SLC15A2: variants seen among roughly 807,000 people sequenced by gnomAD.
The protein encoded by SLC15A2 is kidney H(+)/peptide cotransporter.
In SLC15A2, 77 loss-of-function variants were observed where a neutral mutation model predicts 95.5. The ratio of observed to expected loss-of-function variants is 0.81; its 90% CI spans 0.67 to 0.97. The LOEUF (loss-of-function observed/expected upper bound fraction) is 0.97. Among genes scored for constraint, SLC15A2 ranks in the 50% least tolerant of loss-of-function variants. The pLI, the probability that SLC15A2 is intolerant of heterozygous loss-of-function variation, is 0.00. For synonymous variants in SLC15A2, 306 were observed against 306.9 expected, an observed-to-expected ratio of 1.00 and a Z score of 0.03; for missense variants, 893 against 874.4, an observed-to-expected ratio of 1.02 and a Z score of -0.27.
rs540111577 is a variant in SLC15A2, at chr3:121,929,059, G to T, written c.1419G>T (p.Leu473Phe). 149 of 1,614,066 alleles carry T rather than the reference G, an allele frequency of 9.2e-5. No individual in the cohort carries two copies. Among genetic ancestry groups the T allele is most frequent in the South Asian group, 4.9e-4 (45 of 91,072 alleles). Residue 473 changes from leucine to phenylalanine, a missense_variant, in exon 16 of 22, where the codon TTG becomes TTT. Physicochemically the swap from Leu to Phe is conservative, Grantham distance 22 (BLOSUM62 0). Transcript: ENST00000489711. ...DFHFHLKYHN[L>F]SLYTEHSVQE... ...ACTTCCACCTGAAATATCACAATTTGTCTCTCTACACTGAGCATTCTGTGC... is the reference window on the plus strand; with the variant it reads ...ACTTCCACCTGAAATATCACAATTTTTCTCTCTACACTGAGCATTCTGTGC...
chr3:121,935,692 T>G (rs1710329551), intron 19 of SLC15A2, among the ~76,000 whole-genome samples: 1 of 152,114 alleles, frequency 6.6e-6, no homozygotes, highest in Non-Finnish European at 1.5e-5. Context: ...TCTATCAATT[T>G]TGTTGATCCT....
chr3:121,932,144 T>C (rs1390797129), intron 19 of SLC15A2, among the ~76,000 whole-genome samples: 1 of 152,132 alleles, frequency 6.6e-6, no homozygotes, highest in Non-Finnish European at 1.5e-5. Flanking sequence ...CCTCAGATGA[T>C]CCACCAGCCT....
At position 121,922,745 on chromosome 3, in the gene SLC15A2, C is replaced by G. The variant is rs776334810; in HGVS notation, c.781-30C>G. 3.3e-6 allele frequency: 5 copies of G among 1,534,198 alleles called. No homozygotes were observed. In the Admixed American group the frequency reaches 8.9e-5, roughly 27 times the overall value. On this transcript the variant is annotated intron_variant, in intron 8 of 21. Coordinates refer to ENST00000489711, the MANE Select transcript of SLC15A2 (RefSeq NM_021082.4). ...AGGCAGAGGATGTTTTTCTCTTTGT[C>G]TCTCCCATGATGTCTACTCTCTGCC... is the stretch of plus-strand genomic sequence containing the variant.
intron 13 of SLC15A2, among the ~76,000 whole-genome samples, chr3:121,926,599 G>A (rs1710126452): frequency 6.6e-6 from 1 of 152,234 alleles, no homozygotes. Flanking sequence ...CCGGCTGCAG[G>A]GGTGGAGCCC....
At chr3:121,922,620 A>G (rs1378615211) in intron 8 of SLC15A2, among the ~76,000 whole-genome samples, 155 bp from the exon 9 acceptor site, 1 of 152,262 alleles carries the variant, frequency 6.6e-6, no homozygotes, top group Non-Finnish European at 1.5e-5. Flanking sequence ...AGATAAAATT[A>G]TATCAGAAAT....
rs1398003247 is a variant in SLC15A2, at chr3:121,905,524, G to C, written c.336-6050G>C. On this transcript the variant is annotated intron_variant, in intron 3 of 21. Coordinates refer to ENST00000489711, the MANE Select transcript of SLC15A2 (RefSeq NM_021082.4). ...TCCCTCTACACACTGCTTTAAATGT[G>C]TCCCAGAGATTCTGGTATGTTGTGT... 5.3e-5 allele frequency among the ~76,000 whole-genome samples: 8 copies of C among 152,126 alleles called. No homozygotes were observed. The South Asian group carries it at 1.7e-3, about 31-fold the overall frequency.
At chr3:121,925,644 C>A (rs1710100298) in intron 13 of SLC15A2, among the ~76,000 whole-genome samples, 1 of 132,980 alleles carries the variant, frequency 7.5e-6, no homozygotes, top group Non-Finnish European at 1.6e-5. Context: ...AGTTTAGGAC[C>A]AAGTGTCATG....
At chr3:121,927,634 CAG>C in intron 13 of SLC15A2, 122 bp from the exon 14 acceptor site, 1 of 659,124 alleles carries the variant, frequency 1.5e-6, no homozygotes. Flanking sequence ...TACCCAGTCT[CAG>C]GTATTTCTTT....
chr3:121,917,031 A>T (rs2332049), intron 7 of SLC15A2, among the ~76,000 whole-genome samples: 3 of 151,702 alleles, frequency 2.0e-5, no homozygotes, highest in African/African-American at 7.3e-5. Context: ...CGTGTTAGCC[A>T]GGATGGTCTC....
intron 12 of SLC15A2, 82 bp from the exon 13 acceptor site, chr3:121,924,863 T>G (rs1422933841): frequency 3.1e-6 from 3 of 965,344 alleles, no homozygotes. Context: ...TGAGACAGAG[T>G]GTAAACAAGC....
chr3:121,920,923 G>A (rs1218763699), intron 7 of SLC15A2, among the ~76,000 whole-genome samples: 2 of 152,186 alleles, frequency 1.3e-5, no homozygotes, highest in Admixed American at 6.5e-5. Context: ...TGGGAAATCC[G>A]TTAAGGAGGA....
At chr3:121,898,994 T>C (rs937488891) in intron 3 of SLC15A2, among the ~76,000 whole-genome samples, 2 of 152,172 alleles carry the variant, frequency 1.3e-5, no homozygotes, top group Non-Finnish European at 2.9e-5. Context: ...GTAGTAGTAG[T>C]CACCAAGTTT....
intron 12 of SLC15A2, 66 bp downstream of exon 12, chr3:121,924,449 T>C (rs1710071673): frequency 7.4e-7 from 1 of 1,358,182 alleles, no homozygotes; most frequent in South Asian, 1.2e-5. Context: ...ACCTGCAGTA[T>C]TACGATTAAC....
intron 13 of SLC15A2, among the ~76,000 whole-genome samples, chr3:121,926,331 G>T (rs929848872): frequency 6.6e-6 from 1 of 152,146 alleles, no homozygotes; most frequent in African/African-American, 2.4e-5. Context: ...GTGCTATCCC[G>T]TTGGTGCTGT....
At chr3:121,927,949 A>T in intron 14 of SLC15A2, 110 bp downstream of exon 14, 1 of 759,054 alleles carries the variant, frequency 1.3e-6, no homozygotes, top group Non-Finnish European at 2.2e-6. Flanking sequence ...TACCTGTTTT[A>T]TAAGAGGTGC....
At chr3:121,914,344 A>C (rs1378480079) in intron 5 of SLC15A2, among the ~76,000 whole-genome samples, 2 of 152,216 alleles carry the variant, frequency 1.3e-5, no homozygotes, top group Non-Finnish European at 2.9e-5. Flanking sequence ...TGAACGAAAC[A>C]TCAGCAACTT....
In SLC15A2 at chr3:121,933,369, G is replaced by T. The variant is rs1431927738; in HGVS notation, c.1761+1634G>T. 4.4e-3 allele frequency among the ~76,000 whole-genome samples: 653 copies of T among 149,220 alleles called. 3 individuals carry two copies. The highest frequency in any genetic ancestry group is 9.5e-3 in the African/African-American group (388 of 40,712). On this transcript the variant is annotated intron_variant, in intron 19 of 21. Transcript: ENST00000489711. ...TCCACAATGGTTGAACTAGTTTACA[G>T]TCCCACCAACAGTGTAAAAGTGTTC...
intron 4 of SLC15A2, 28 bp from the exon 5 acceptor site, chr3:121,912,993 G>T: frequency 6.5e-7 from 1 of 1,529,338 alleles, no homozygotes; most frequent in South Asian, 1.1e-5. Context: ...GTATCAACAT[G>T]GTTGGCATTC....
intron 7 of SLC15A2, among the ~76,000 whole-genome samples, chr3:121,921,822 C>T (rs1320318442): frequency 1.3e-5 from 2 of 151,968 alleles, no homozygotes; most frequent in African/African-American, 2.4e-5. Context: ...ATAGGCAATA[C>T]GTTAAAGAAA....
Sources: gnomAD v4.1 joint callset for allele counts (sites outside exome capture counted in the v4.1 genomes callset) on GRCh38, gnomAD v4.1.1 for gene constraint, MANE v1.5 for transcripts, NCBI Gene and HGNC (gene_info 2026-07-23, HGNC 2026-07-21) for gene names.